The following ADAMTS18 variants were observed in gnomAD, a reference collection of about 807,000 sequenced individuals.
The protein encoded by ADAMTS18 is ADAM metallopeptidase with thrombospondin type 1 motif 18.
ADAMTS18 carries 157 observed loss-of-function variants against 165.9 expected under a neutral mutation model. That is an observed-to-expected ratio of 0.95 (90% CI 0.83 to 1.08). The LOEUF is 1.08. Among genes scored for constraint, ADAMTS18 ranks in the 50% least tolerant of loss-of-function variants. The probability of loss-of-function intolerance (pLI) is 0.00; values close to 1 mark genes in which losing one functional copy is unlikely to be tolerated. For synonymous variants in ADAMTS18, 782 were observed against 578.2 expected (o/e 1.35, Z -5.06); for missense variants, 2,040 against 1,534.0 (o/e 1.33, Z -5.51).
intron 3 of ADAMTS18, among the ~76,000 whole-genome samples, chr16:77,379,275 C>G (rs1293142355): frequency 6.6e-6 from 1 of 152,200 alleles, no homozygotes; most frequent in African/African-American, 2.4e-5. Flanking sequence ...AAGGCTCAAT[C>G]TCTTATCCTC....
At chr16:77,381,282 G>C (rs1184167828) in intron 3 of ADAMTS18, among the ~76,000 whole-genome samples, 3 of 145,750 alleles carry the variant, frequency 2.1e-5, no homozygotes, top group African/African-American at 7.6e-5. Context: ...TCAGATTCAG[G>C]AAAGGTTCCA....
At chr16:77,377,638 C>A in intron 3 of ADAMTS18, among the ~76,000 whole-genome samples, 1 of 152,152 alleles carries the variant, frequency 6.6e-6, no homozygotes. Context: ...AGTAGGCTGC[C>A]TGGAAAAATA....
intron 12 of ADAMTS18, among the ~76,000 whole-genome samples, chr16:77,333,452 C>A (rs775182385): frequency 6.7e-6 from 1 of 148,574 alleles, no homozygotes; most frequent in Non-Finnish European, 1.5e-5. Flanking sequence ...GCACATGTAT[C>A]TTGGAACTTA....
intron 10 of ADAMTS18, among the ~76,000 whole-genome samples, chr16:77,348,266 A>G (rs927605571): frequency 1.3e-5 from 2 of 152,184 alleles, no homozygotes; most frequent in African/African-American, 4.8e-5. Flanking sequence ...AGAAATGGAA[A>G]TCTAGATAAT....
chr16:77,434,791 C>G lies in ADAMTS18; in HGVS notation c.-96G>C. Reference sequence around the variant, plus strand: ...TTTCCGCGGCCCCGGAGCTCGGCGCCCCAGGTGCGGCTCCAGGTGAGAGCC... The same window carrying G: ...TTTCCGCGGCCCCGGAGCTCGGCGCGCCAGGTGCGGCTCCAGGTGAGAGCC... On this transcript the variant is annotated 5_prime_UTR_variant, in exon 1 of 23. Transcript: ENST00000282849. 9.1e-7 allele frequency: 1 copy of G among 1,094,964 alleles called. No individual in the cohort carries two copies. Among genetic ancestry groups the G allele is most frequent in the Non-Finnish European group, 1.2e-6 (1 of 843,830 alleles). 67.8% of individuals were successfully genotyped at this position (1,094,964 alleles called of 1,614,324 possible).
At chr16:77,284,170 G>A (rs750195536) in intron 22 of ADAMTS18, 99 bp from the exon 23 acceptor site, 1 of 767,836 alleles carries the variant, frequency 1.3e-6, no homozygotes, top group African/African-American at 1.7e-5. Flanking sequence ...ACCTAGGCTG[G>A]AGTGCAGTGG....
At chr16:77,393,104 T>C (rs542207903) in intron 3 of ADAMTS18, among the ~76,000 whole-genome samples, 15 of 152,282 alleles carry the variant, frequency 9.9e-5, no homozygotes, top group Non-Finnish European at 2.9e-5. Flanking sequence ...TAAAGCACTC[T>C]AAAACTGAAA....
chr16:77,389,839 G>A (rs1161464694), intron 3 of ADAMTS18, among the ~76,000 whole-genome samples: 6 of 152,202 alleles, frequency 3.9e-5, no homozygotes, highest in Admixed American at 1.3e-4. Flanking sequence ...GAATCGATCT[G>A]TGCACTGGTA....
chr16:77,372,546 A>C (rs1408697526), intron 3 of ADAMTS18, among the ~76,000 whole-genome samples: 1 of 152,260 alleles, frequency 6.6e-6, no homozygotes, highest in African/African-American at 2.4e-5. Context: ...TCACAAGCAC[A>C]TGCTGGGCAC....
At chr16:77,382,187 C>T (rs2057040734) in intron 3 of ADAMTS18, among the ~76,000 whole-genome samples, 2 of 152,094 alleles carry the variant, frequency 1.3e-5, no homozygotes, top group Non-Finnish European at 2.9e-5. Flanking sequence ...TACACACTAA[C>T]AACCAGTTTT....
At chr16:77,341,452 G>C (rs1202104763) in intron 11 of ADAMTS18, among the ~76,000 whole-genome samples, 1 of 151,732 alleles carries the variant, frequency 6.6e-6, no homozygotes, top group Non-Finnish European at 1.5e-5. Flanking sequence ...TTGAAATAGA[G>C]ATATTTTGAG....
chr16:77,355,085 A>G (rs1185140693), intron 9 of ADAMTS18, among the ~76,000 whole-genome samples: 2 of 152,168 alleles, frequency 1.3e-5, no homozygotes, highest in African/African-American at 4.8e-5. Context: ...GGTACAGGTT[A>G]AAAATAAAGT....
intron 21 of ADAMTS18, among the ~76,000 whole-genome samples, chr16:77,290,338 A>C (rs527350918): frequency 6.6e-6 from 1 of 152,302 alleles, no homozygotes; most frequent in South Asian, 2.1e-4. Context: ...TTCCAGTTAA[A>C]CTTTATAAAA....
chr16:77,289,674 G>C (rs1157716239), intron 21 of ADAMTS18, among the ~76,000 whole-genome samples: 1 of 152,202 alleles, frequency 6.6e-6, no homozygotes, highest in Non-Finnish European at 1.5e-5. Context: ...CACTCATAAA[G>C]AAGAGAAGCT....
chr16:77,406,846 G>T (rs996690310), intron 3 of ADAMTS18, among the ~76,000 whole-genome samples: 3 of 151,928 alleles, frequency 2.0e-5, no homozygotes, highest in African/African-American at 7.2e-5. Flanking sequence ...CAAAGAAACA[G>T]AAAGCCAAAT....
chr16:77,309,416 C>T (rs558171370), intron 16 of ADAMTS18, among the ~76,000 whole-genome samples: 2 of 152,148 alleles, frequency 1.3e-5, no homozygotes, highest in Non-Finnish European at 2.9e-5. Flanking sequence ...CCTTTGACAC[C>T]AAGGAAATCA....
chr16:77,360,581 A>AAACATC (rs57517352), intron 7 of ADAMTS18, among the ~76,000 whole-genome samples: 80,199 of 151,412 alleles, frequency 0.53, 21,697 homozygotes, highest in Non-Finnish European at 0.58. Flanking sequence ...TCTCTCTTGA[A>AAACATC]AACAATGCAC....
At chr16:77,326,902 A>G (rs1213624020) in intron 12 of ADAMTS18, among the ~76,000 whole-genome samples, 1 of 152,070 alleles carries the variant, frequency 6.6e-6, no homozygotes, top group African/African-American at 2.4e-5. Context: ...TTGGGTCCAT[A>G]TGTACTCAAT....
chr16:77,417,355 C>G (rs1028414437), intron 3 of ADAMTS18, among the ~76,000 whole-genome samples: 2 of 152,046 alleles, frequency 1.3e-5, no homozygotes, highest in African/African-American at 4.8e-5. Flanking sequence ...AAAGAAATGT[C>G]AAGTTGTTAG....
Sources: allele counts gnomAD v4.1 joint callset (sites outside exome capture counted in the v4.1 genomes callset), GRCh38; gene constraint gnomAD v4.1.1; transcripts MANE v1.5; gene names NCBI Gene and HGNC (gene_info 2026-07-23, HGNC 2026-07-21).